The following ABCC9 variants were observed in gnomAD, a reference collection of about 807,000 sequenced individuals.
The protein encoded by ABCC9 is ATP-binding cassette sub-family C member 9.
Under a neutral mutation model 188.3 loss-of-function variants are expected in ABCC9, and 95 were observed. The ratio of observed to expected loss-of-function variants is 0.50; its 90% CI spans 0.43 to 0.60. The LOEUF (loss-of-function observed/expected upper bound fraction) is 0.60, where lower values mean the gene tolerates loss of function less well. Ranked by LOEUF, ABCC9 falls within the 20% of genes least tolerant of loss-of-function variation. The pLI, the probability that ABCC9 is intolerant of heterozygous loss-of-function variation, is 0.00. For synonymous variants in ABCC9, 659 were observed against 652.7 expected (o/e 1.01, Z -0.15); for missense variants, 1,102 against 1,876.3 (o/e 0.59, Z 7.62).
At chr12:21,922,691 T>C (rs945782883) in intron 5 of ABCC9, among the ~76,000 whole-genome samples, 4 of 151,058 alleles carry the variant, frequency 2.6e-5, no homozygotes, top group Non-Finnish European at 5.9e-5. Context: ...AATTATCTCC[T>C]GAATTGTTTT....
chr12:21,915,276 A>ATGTATGTGTGTATG (rs1948504987), intron 7 of ABCC9, among the ~76,000 whole-genome samples: 2 of 11,650 alleles, frequency 1.7e-4, no homozygotes, highest in South Asian at 0.012. Flanking sequence ...TAATGTGTAT[A>ATGTATGTGTGTATG]TATATGTGTG....
chr12:21,882,623 A>AT (rs1007991121), intron 16 of ABCC9, 143 bp downstream of exon 16: 132 of 710,390 alleles, frequency 1.9e-4, no homozygotes, highest in Middle Eastern at 3.6e-4. Context: ...AAAACTCAGA[A>AT]TTTTTTTTTA....
chr12:21,865,190 A>G (rs546337783), intron 18 of ABCC9, among the ~76,000 whole-genome samples: 8 of 152,282 alleles, frequency 5.3e-5, no homozygotes, highest in African/African-American at 1.9e-4. Flanking sequence ...CAATAACCAT[A>G]CAAATAATTA....
chr12:21,836,309 C>T (rs1405966762), intron 30 of ABCC9, among the ~76,000 whole-genome samples: 1 of 152,172 alleles, frequency 6.6e-6, no homozygotes, highest in Non-Finnish European at 1.5e-5. Flanking sequence ...TTTAAAGATA[C>T]TTATCAATGC....
At chr12:21,836,125 C>T (rs1473583012) in intron 30 of ABCC9, among the ~76,000 whole-genome samples, 1 of 152,172 alleles carries the variant, frequency 6.6e-6, no homozygotes, top group Non-Finnish European at 1.5e-5. Context: ...TTTGTAATCT[C>T]TCATGTGGAC....
intron 30 of ABCC9, among the ~76,000 whole-genome samples, chr12:21,836,091 C>G (rs970289952): frequency 1.3e-5 from 2 of 152,144 alleles, no homozygotes; most frequent in Admixed American, 1.3e-4. Flanking sequence ...CTTTCTCTCC[C>G]GGTCCTTAGT....
chr12:21,910,278 G>A lies in ABCC9; in HGVS notation c.1199C>T (p.Thr400Met), dbSNP rs749786076. 1.2e-6 allele frequency: 2 copies of A among 1,605,606 alleles called. No individual in the cohort carries two copies. The change falls in exon 10 of 40, where the codon ACG becomes ATG. Residue 400 changes from threonine to methionine, a missense_variant. Around this residue, in one of 12 missense-constraint regions of ABCC9, gnomAD observed 305 missense variants for 573.0 expected, o/e 0.53. Coordinates refer to ENST00000261200, the MANE Select transcript of ABCC9 (RefSeq NM_020297.4). ...MIYNKILRLS[T>M]SNLSMGEMTL... ...CATCTCCCCCATGGATAAGTTAGAC[G>A]TAGAGAGCCTAAGGATTTTATTATA...
rs544154044 is a variant in ABCC9 at position 21,828,189 on chromosome 12, C to T, written c.3669+769G>A. Among the ~76,000 whole-genome samples the T allele has an allele frequency of 9.8e-4, 150 of 152,346 alleles. 3 individuals carry two copies. In the South Asian group the frequency reaches 0.03, roughly 30 times the overall value. ...TAGCTTATCCATGTTCCGGATCGCA[C>T]AGACTACAAACTATATTCCTTGCCT... On this transcript the variant is annotated intron_variant, in intron 31 of 39. Transcript: ENST00000261200.
chr12:21,851,957 C>G, intron 24 of ABCC9, 140 bp downstream of exon 24: 1 of 1,024,750 alleles, frequency 9.8e-7, no homozygotes. Context: ...TGCAAAGATA[C>G]AATTGCTTTG....
At chr12:21,871,917 G>A (rs960744951) in intron 18 of ABCC9, among the ~76,000 whole-genome samples, 1 of 152,112 alleles carries the variant, frequency 6.6e-6, no homozygotes, top group Admixed American at 6.5e-5. Context: ...CTACTTACGA[G>A]GAGTCTACTA....
chr12:21,818,574 G>T (rs1242956222), intron 31 of ABCC9, among the ~76,000 whole-genome samples: 1 of 146,318 alleles, frequency 6.8e-6, no homozygotes, highest in African/African-American at 2.5e-5. Context: ...TATGGGTTCA[G>T]AGAAGTTACA....
chr12:21,875,070 C>T (rs1279674054), intron 17 of ABCC9, among the ~76,000 whole-genome samples: 2 of 134,594 alleles, frequency 1.5e-5, no homozygotes, highest in Non-Finnish European at 3.2e-5. Flanking sequence ...GTGTTCTTCC[C>T]ACAAAAAATA....
Position 21,841,347 on chromosome 12 carries a change from C to CTTTTTTTTTTTTTTTTTTTT in ABCC9, c.3473+947_3473+966dup, listed in dbSNP as rs1174314931. On this transcript the variant is annotated intron_variant, in intron 29 of 39. Coordinates refer to ENST00000261200, the MANE Select transcript of ABCC9 (RefSeq NM_020297.4). ...TCTTTGGGATTATGTTTCTGGTTTC[C>CTTTTTTTTTTTTTTTTTTTT]TTTTTTTTTTTTTTTTTTTTTTTTT... 1.5e-4 allele frequency among the ~76,000 whole-genome samples: 3 copies of CTTTTTTTTTTTTTTTTTTTT among 19,604 alleles called. 1 individual carries two copies. The highest frequency in any genetic ancestry group is 2.6e-4 in the African/African-American group (1 of 3,810). The allele number at this position is 19,604 out of a possible 152,430, so 12.9% of individuals were successfully genotyped here. A position where few individuals can be genotyped will look rare whatever the true frequency, so the allele number is the denominator to read the frequency against.
chr12:21,848,390 T>A, intron 24 of ABCC9, 144 bp from the exon 25 acceptor site: 1 of 722,954 alleles, frequency 1.4e-6, no homozygotes, highest in Non-Finnish European at 2.4e-6. Flanking sequence ...ACAACTCCTG[T>A]CACAGAAACA....
intron 21 of ABCC9, 141 bp from the exon 22 acceptor site, chr12:21,859,807 A>G: frequency 1.3e-6 from 1 of 784,024 alleles, no homozygotes; most frequent in South Asian, 1.4e-5. Flanking sequence ...AACATTGGTA[A>G]GAAAACATGG....
At chr12:21,809,792 T>C (rs1942105943) in intron 37 of ABCC9, 60 bp downstream of exon 37, 2 of 968,946 alleles carry the variant, frequency 2.1e-6, no homozygotes, top group Non-Finnish European at 3.3e-6. Context: ...AAAACGTAGA[T>C]AGACATATGT....
chr12:21,827,021 GT>G lies in ABCC9; in HGVS notation c.3669+1936del. 4 of 650,072 alleles carry G rather than the reference GT, an allele frequency of 6.2e-6. No individual in the cohort carries two copies. The South Asian group carries it at 2.7e-4, about 44-fold the overall frequency. The allele number at this position is 650,072 out of a possible 1,614,324, so 40.3% of individuals were successfully genotyped here. A position where few individuals can be genotyped will look rare whatever the true frequency, so the allele number is the denominator to read the frequency against. The stretch of plus-strand genomic sequence containing the variant: ...ATGAATGGCCTGTTCTGCCCTTCCT[GT>G]TTCAGGTGTCAGTATTTTGTTTTTT... On this transcript the variant is annotated intron_variant, in intron 31 of 39. Transcript: ENST00000261200.
At position 21,809,151 on chromosome 12, in the gene ABCC9, T is replaced by C. The variant is rs545985473; in HGVS notation, c.4315+701A>G. 5.9e-5 allele frequency among the ~76,000 whole-genome samples: 9 copies of C among 152,020 alleles called. No homozygotes were observed. In the South Asian group the frequency reaches 1.7e-3, roughly 28 times the overall value. ...GAGTTAAGATGTTAAGGAAGCAAAG[T>C]CAAAAATTATACATGTTCCTTTTAA... is the stretch of plus-strand genomic sequence containing the variant. On this transcript the variant is annotated intron_variant, in intron 37 of 39. Transcript: ENST00000261200.
intron 12 of ABCC9, among the ~76,000 whole-genome samples, chr12:21,899,690 C>T (rs1410504169): frequency 2.0e-5 from 3 of 152,202 alleles, no homozygotes; most frequent in African/African-American, 7.2e-5. Flanking sequence ...GAGGGTCCCA[C>T]ACCCATGGAG....
Sources: gnomAD v4.1 joint callset for allele counts (sites outside exome capture counted in the v4.1 genomes callset) on GRCh38, gnomAD v4.1.1 for gene constraint, gnomAD v4.1.1 regional missense constraint, MANE v1.5 for transcripts, NCBI Gene and HGNC (gene_info 2026-07-23, HGNC 2026-07-21) for gene names.